Variants in TMEM114 observed in about 807,000 individuals in gnomAD.
TMEM114 encodes transmembrane protein 114.
TMEM114 carries 6 observed loss-of-function variants against 6.2 expected under a neutral mutation model. The ratio of observed to expected loss-of-function variants is 0.97; its 90% CI spans 0.53 to 1.91. The LOEUF is 1.91. Ranked by LOEUF, TMEM114 falls within the 40% of genes most tolerant of loss-of-function variation. TMEM114 has a pLI of 0.01. For synonymous variants in TMEM114, 104 were observed against 73.0 expected (o/e 1.42, Z -2.16); for missense variants, 218 against 158.3 (o/e 1.38, Z -2.02).
At chr16:8,568,713 A>T (rs1901625244), downstream of TMEM114, among the ~76,000 whole-genome samples, 1 of 152,176 alleles carries the variant, frequency 6.6e-6, no homozygotes, top group African/African-American at 2.4e-5. Context: ...CCTCCCCTAC[A>T]TCTCATGACT....
At chr16:8,582,826 G>A (rs1452041317) in intron 2 of TMEM114, among the ~76,000 whole-genome samples, 1 of 152,144 alleles carries the variant, frequency 6.6e-6, no homozygotes, top group Non-Finnish European at 1.5e-5. Context: ...TTGAACCCAG[G>A]AGGTGGAAGC....
downstream of TMEM114, among the ~76,000 whole-genome samples, chr16:8,569,022 C>G (rs944147122): frequency 2.6e-5 from 4 of 152,208 alleles, no homozygotes; most frequent in African/African-American, 9.6e-5. Flanking sequence ...TCACCCAGGC[C>G]TCCTGGCTCA....
At chr16:8,581,157 C>T (rs1033054102) in intron 2 of TMEM114, among the ~76,000 whole-genome samples, 31 of 152,134 alleles carry the variant, frequency 2.0e-4, no homozygotes, top group Admixed American at 7.2e-4. Context: ...TGGGGAGTTT[C>T]TTTGAGGGGG....
At chr16:8,561,351 C>G (rs375475296) in intron 2 of TMEM114, among the ~76,000 whole-genome samples, 6 of 152,264 alleles carry the variant, frequency 3.9e-5, no homozygotes, top group Non-Finnish European at 5.9e-5. Flanking sequence ...ACAACACACT[C>G]TTCCCTGCCA....
intron 2 of TMEM114, among the ~76,000 whole-genome samples, chr16:8,544,399 C>G (rs1358214216): frequency 1.3e-5 from 2 of 152,136 alleles, no homozygotes; most frequent in Non-Finnish European, 1.5e-5. Flanking sequence ...CAAGGAATGC[C>G]TTGTTTACTG....
chr16:8,527,335 A>G, the TMEM114 span, among the ~76,000 whole-genome samples: 90,937 of 151,950 alleles, frequency 0.6, 27,279 homozygotes, highest in African/African-American at 0.64. Flanking sequence ...AAGTGGAAAA[A>G]CCCCAGCTTT....
downstream of TMEM114, among the ~76,000 whole-genome samples, chr16:8,566,247 C>T (rs1005556245): frequency 9.2e-5 from 14 of 152,078 alleles, no homozygotes; most frequent in African/African-American, 2.7e-4. Context: ...CATGGTGGTG[C>T]GTGCCTGTAG....
the TMEM114 span, among the ~76,000 whole-genome samples, chr16:8,529,523 G>C: frequency 6.6e-6 from 1 of 152,150 alleles, no homozygotes; most frequent in Non-Finnish European, 1.5e-5. Flanking sequence ...AGCAGCATCA[G>C]TGTCATCTGG....
downstream of TMEM114, among the ~76,000 whole-genome samples, chr16:8,566,972 C>T (rs1901568080): frequency 2.1e-5 from 3 of 141,318 alleles, no homozygotes; most frequent in South Asian, 7.0e-4. Flanking sequence ...GCGATCTCGG[C>T]TCACTGTAAC....
At chr16:8,582,785 A>G (rs535938759) in intron 2 of TMEM114, among the ~76,000 whole-genome samples, 3 of 152,246 alleles carry the variant, frequency 2.0e-5, no homozygotes, top group Admixed American at 2.0e-4. Flanking sequence ...AGCTACTCAG[A>G]AGGCTGAGGC....
At chr16:8,565,661 C>G (rs1901517338), downstream of TMEM114, among the ~76,000 whole-genome samples, 1 of 152,206 alleles carries the variant, frequency 6.6e-6, no homozygotes, top group Non-Finnish European at 1.5e-5. Flanking sequence ...AGGCCCCTCC[C>G]TGTACTTCCT....
intron 2 of TMEM114, among the ~76,000 whole-genome samples, chr16:8,554,580 T>C (rs548138736): frequency 7.2e-5 from 11 of 152,172 alleles, no homozygotes; most frequent in African/African-American, 2.7e-4. Flanking sequence ...TGCTTCTCTT[T>C]CGCTCCCCAC....
At chr16:8,563,073 GTAAGTGAA>G (rs1901335075) in intron 2 of TMEM114, among the ~76,000 whole-genome samples, 2 of 142,442 alleles carry the variant, frequency 1.4e-5, no homozygotes, top group African/African-American at 2.6e-5. Context: ...AAGTGAATGA[GTAAGTGAA>G]TGAGTGAGTG....
chr16:8,577,571 G>A (rs1183056092), intron 2 of TMEM114, among the ~76,000 whole-genome samples: 2 of 151,154 alleles, frequency 1.3e-5, no homozygotes, highest in Non-Finnish European at 2.9e-5. Flanking sequence ...TTTCTTTTTT[G>A]ATTTTGTTTT....
chr16:8,555,157 C>A (rs1337008341), intron 2 of TMEM114, among the ~76,000 whole-genome samples: 1 of 152,242 alleles, frequency 6.6e-6, no homozygotes, highest in Admixed American at 6.5e-5. Flanking sequence ...GCTCTTCTCT[C>A]TTCACATGTG....
At chr16:8,584,940 A>AAAAG (rs1409319481) in intron 2 of TMEM114, among the ~76,000 whole-genome samples, 29 of 146,752 alleles carry the variant, frequency 2.0e-4, no homozygotes, top group Non-Finnish European at 3.1e-4. Flanking sequence ...AAAAAAAAAA[A>AAAAG]AAGAAGAAGA....
intron 2 of TMEM114, among the ~76,000 whole-genome samples, chr16:8,541,854 A>G (rs931054698): frequency 3.3e-5 from 5 of 152,184 alleles, no homozygotes; most frequent in Admixed American, 6.5e-5. Context: ...CCAAGAGTTC[A>G]GGCTGGTGAG....
At chr16:8,539,079 C>T (rs538028738) in intron 2 of TMEM114, among the ~76,000 whole-genome samples, 92 of 152,030 alleles carry the variant, frequency 6.1e-4, no homozygotes, top group Non-Finnish European at 8.5e-4. Context: ...TTGTGAGTTG[C>T]GATTTTTTTT....
At chr16:8,547,757 C>T (rs1240957011) in intron 2 of TMEM114, among the ~76,000 whole-genome samples, 5 of 152,108 alleles carry the variant, frequency 3.3e-5, no homozygotes, top group African/African-American at 7.2e-5. Context: ...GAGGTCCTTG[C>T]GTGGCCTCTG....
Sources: gnomAD v4.1 joint callset for allele counts (sites outside exome capture counted in the v4.1 genomes callset) on GRCh38, gnomAD v4.1.1 for gene constraint, MANE v1.5 for transcripts, NCBI Gene and HGNC (gene_info 2026-07-23, HGNC 2026-07-21) for gene names.